The following TGM5 variants were observed in gnomAD, a reference collection of about 807,000 sequenced individuals.
The protein encoded by TGM5 is transglutaminase 5, also known as protein-glutamine gamma-glutamyltransferase 5.
TGM5 carries 69 observed loss-of-function variants against 77.2 expected under a neutral mutation model. The observed-to-expected ratio is 0.89, with a 90% CI of 0.74 to 1.09. The LOEUF is 1.09. Ranked by LOEUF, TGM5 falls within the 50% of genes least tolerant of loss-of-function variation. The pLI is 0.00. For missense variants in TGM5, 842 were observed against 896.5 expected (o/e 0.94, Z 0.78); for synonymous variants, 346 against 351.8 (o/e 0.98, Z 0.18).
At chr15:43,263,809 G>A (rs2042806751) in intron 1 of TGM5, among the ~76,000 whole-genome samples, 1 of 152,136 alleles carries the variant, frequency 6.6e-6, no homozygotes, top group African/African-American at 2.4e-5. Context: ...AAAACCAAAT[G>A]AATTGGACCT....
intron 1 of TGM5, among the ~76,000 whole-genome samples, chr15:43,262,601 A>G (rs950340555): frequency 2.0e-5 from 3 of 152,188 alleles, no homozygotes; most frequent in Non-Finnish European, 1.5e-5. Flanking sequence ...CCTGGCTAAG[A>G]TGGTGAAACC....
At chr15:43,261,090 T>TTTTTTTTTTTTTTTG (rs2042786413) in intron 1 of TGM5, among the ~76,000 whole-genome samples, 2 of 97,116 alleles carry the variant, frequency 2.1e-5, no homozygotes, top group Non-Finnish European at 3.8e-5. Flanking sequence ...TTTTTTTTTT[T>TTTTTTTTTTTTTTTG]TTTTTTTTTT....
At chr15:43,256,145 T>A (rs1309651227) in intron 4 of TGM5, among the ~76,000 whole-genome samples, 2 of 152,172 alleles carry the variant, frequency 1.3e-5, no homozygotes, top group African/African-American at 2.4e-5. Flanking sequence ...AAGTTGTCCT[T>A]GGTGTGACAG....
At chr15:43,234,673 C>G in intron 11 of TGM5, 96 bp downstream of exon 11, 2 of 1,504,230 alleles carry the variant, frequency 1.3e-6, no homozygotes, top group African/African-American at 2.7e-5. Flanking sequence ...AGGGGATGCT[C>G]TCCTAAGCAG....
chr15:43,233,711 A>C, intron 11 of TGM5, 24 bp from the exon 12 acceptor site: 1 of 1,613,510 alleles, frequency 6.2e-7, no homozygotes, highest in Non-Finnish European at 8.5e-7. Context: ...GAGGGGAAGG[A>C]GAATTAGTTC....
chr15:43,256,759 G>A, intron 3 of TGM5, 73 bp from the exon 4 acceptor site: 1 of 1,133,256 alleles, frequency 8.8e-7, no homozygotes. Context: ...CATCCCCACA[G>A]TCCCAGAGGA....
chr15:43,249,391 A>G (rs1026175378), intron 6 of TGM5, among the ~76,000 whole-genome samples: 3 of 152,158 alleles, frequency 2.0e-5, no homozygotes, highest in South Asian at 2.1e-4. Flanking sequence ...TTTCACCTCA[A>G]AAGGAAACCT....
At chr15:43,237,463 AGTGATAGG>A (rs1301119366) in intron 9 of TGM5, among the ~76,000 whole-genome samples, 3 of 152,236 alleles carry the variant, frequency 2.0e-5, no homozygotes, top group African/African-American at 7.2e-5. Context: ...ACACCGAATC[AGTGATAGG>A]GTTGCCAGAT....
intron 4 of TGM5, among the ~76,000 whole-genome samples, chr15:43,254,307 G>C (rs1195710451): frequency 6.6e-6 from 1 of 152,212 alleles, no homozygotes; most frequent in African/African-American, 2.4e-5. Flanking sequence ...TCCTGCCTGA[G>C]TCTCGGGGCT....
rs553493888 is a variant in TGM5 at position 43,252,678 on chromosome 15, C to G, written c.862+81G>C. 22 of 1,544,204 alleles carry G rather than the reference C, an allele frequency of 1.4e-5. No homozygotes were observed. The South Asian group carries it at 2.2e-4, about 16-fold the overall frequency. On this transcript the variant is annotated intron_variant, in intron 6 of 12. Coordinates refer to ENST00000220420, the MANE Select transcript of TGM5 (RefSeq NM_201631.4). The stretch of plus-strand genomic sequence containing the variant: ...GTCCCTTGGTGGGAACTGTGTGGGA[C>G]TGGGATGGGAATGGTTCAGAAGGCT...
intron 4 of TGM5, among the ~76,000 whole-genome samples, chr15:43,256,100 A>G (rs1330780308): frequency 6.6e-6 from 1 of 152,238 alleles, no homozygotes; most frequent in East Asian, 1.9e-4. Flanking sequence ...ATTGCTGCTC[A>G]TCAGCCCTGC....
intron 6 of TGM5, chr15:43,241,387 A>G (rs1433617172): frequency 3.1e-6 from 1 of 320,674 alleles, no homozygotes. Flanking sequence ...TCCTTTCTGT[A>G]GTTAGGATTA....
intron 6 of TGM5, 67 bp from the exon 7 acceptor site, chr15:43,241,057 TG>T: frequency 6.2e-7 from 1 of 1,604,872 alleles, no homozygotes. Flanking sequence ...TCCTGGACTT[TG>T]GGGCCTGGAC....
intron 10 of TGM5, 25 bp from the exon 11 acceptor site, chr15:43,234,954 G>A (rs756690868): frequency 8.1e-6 from 13 of 1,612,864 alleles, no homozygotes; most frequent in Non-Finnish European, 1.1e-5. Flanking sequence ...CAAGGATGGG[G>A]TGAGAGTAGC....
At position 43,240,881 on chromosome 15, in the gene TGM5, A is replaced by G; in HGVS notation, c.972T>C (p.Ile324=). The change falls in exon 7 of 13, where the codon ATT becomes ATC. Residue 324 remains isoleucine, a synonymous_variant. Transcript: ENST00000220420. ...TAGTATCCTTCTTCTTATTCCCCAA[A>G]ATCCTGCCTGTGTTGTCATAATACT... ...IDEYYDNTGR[I]LGNKKKDTIW... 3.7e-6 allele frequency: 6 copies of G among 1,614,092 alleles called. No individual in the cohort carries two copies. Among genetic ancestry groups the G allele is most frequent in the Non-Finnish European group, 4.2e-6 (5 of 1,180,012 alleles).
At chr15:43,234,950 T>C (rs753170059) in intron 10 of TGM5, 21 bp from the exon 11 acceptor site, 1 of 1,613,014 alleles carries the variant, frequency 6.2e-7, no homozygotes, top group Non-Finnish European at 8.5e-7. Flanking sequence ...AACACAAGGA[T>C]GGGGTGAGAG....
chr15:43,239,678 A>C, intron 7 of TGM5: 1 of 236,024 alleles, frequency 4.2e-6, no homozygotes, highest in Non-Finnish European at 8.5e-6. Context: ...TGTCTCAAAA[A>C]AGTAATTAAT....
In TGM5 at chr15:43,239,369, A is replaced by C. The variant is rs1339015989; in HGVS notation, c.1002-103T>G. ...AACTGTTGGATAGAAAGACAGACTT[A>C]GCACACACAGGGCTTAAAACCTCTG... On this transcript the variant is annotated intron_variant, in intron 7 of 12. Transcript: ENST00000220420. 3 of 1,204,156 alleles carry C rather than the reference A, an allele frequency of 2.5e-6. No individual in the cohort carries two copies. The East Asian group carries it at 7.1e-5, about 28-fold the overall frequency. The allele number at this position is 1,204,156 out of a possible 1,614,324, so 74.6% of individuals were successfully genotyped here.
chr15:43,260,412 C>T lies in TGM5; in HGVS notation c.178G>A (p.Val60Met), dbSNP rs763646106. The change falls in exon 2 of 13, where the codon GTG (valine) becomes ATG (methionine). Residue 60 changes from valine (V) to methionine (M), a missense_variant. Transcript: ENST00000220420. ...FQPGLDNIIF[V>M]VETGPLPDLA... is the part of the protein sequence containing the mutation. Reference sequence around the variant, plus strand: ...CTGGGGTTCTTACCAGTTTCAACCACGAAGATGATGTTGTCCAGGCCTGGC... The same window carrying T: ...CTGGGGTTCTTACCAGTTTCAACCATGAAGATGATGTTGTCCAGGCCTGGC... 1.2e-6 allele frequency: 2 copies of T among 1,614,188 alleles called. No homozygotes were observed. The highest frequency in any genetic ancestry group is 1.7e-5 in the Admixed American group (1 of 60,028).
Sources: gnomAD v4.1 joint callset for allele counts (sites outside exome capture counted in the v4.1 genomes callset) on GRCh38, gnomAD v4.1.1 for gene constraint, MANE v1.5 for transcripts, NCBI Gene and HGNC (gene_info 2026-07-23, HGNC 2026-07-21) for gene names.